Variants in LSAMP observed in about 807,000 individuals in gnomAD.
LSAMP encodes limbic system associated membrane protein.
In LSAMP, 7 loss-of-function variants were observed where a neutral mutation model predicts 38.6. The observed-to-expected ratio is 0.18, with a 90% CI of 0.10 to 0.34. LSAMP has a LOEUF of 0.34. Ranked by LOEUF, LSAMP falls within the 10% of genes least tolerant of loss-of-function variation. LSAMP has a pLI of 1.00. For missense variants in LSAMP, 313 were observed against 420.0 expected (o/e 0.75, Z 2.23); for synonymous variants, 154 against 166.8 (o/e 0.92, Z 0.59).
intron 1 of LSAMP, among the ~76,000 whole-genome samples, chr3:116,422,596 G>A (rs67644980): frequency 0.17 from 25,687 of 152,072 alleles, 2,281 homozygotes; most frequent in Middle Eastern, 0.28. Flanking sequence ...AGTACAAATG[G>A]GGACTGACTA....
At chr3:116,330,626 A>C (rs913941334) in intron 1 of LSAMP, among the ~76,000 whole-genome samples, 1 of 152,114 alleles carries the variant, frequency 6.6e-6, no homozygotes, top group East Asian at 1.9e-4. Context: ...ACATTCAAAA[A>C]TAATTGTATA....
intron 2 of LSAMP, among the ~76,000 whole-genome samples, chr3:116,043,187 T>C (rs1288664590): frequency 6.6e-6 from 1 of 152,206 alleles, no homozygotes; most frequent in Non-Finnish European, 1.5e-5. Flanking sequence ...TACCATTACT[T>C]TTTACTTTTT....
At chr3:116,101,849 T>A (rs1708355009) in intron 1 of LSAMP, among the ~76,000 whole-genome samples, 1 of 152,178 alleles carries the variant, frequency 6.6e-6, no homozygotes, top group African/African-American at 2.4e-5. Context: ...ATTTGTATTA[T>A]CTTTTGTTAG....
intron 2 of LSAMP, among the ~76,000 whole-genome samples, chr3:116,025,510 T>C (rs1017665733): frequency 3.3e-5 from 5 of 152,194 alleles, no homozygotes; most frequent in Non-Finnish European, 7.4e-5. Context: ...GCATAAATAA[T>C]GCTTTTCCAA....
intron 1 of LSAMP, among the ~76,000 whole-genome samples, chr3:116,437,652 G>A (rs917588608): frequency 2.6e-5 from 4 of 151,514 alleles, no homozygotes; most frequent in African/African-American, 9.7e-5. Context: ...GAATTGGAGG[G>A]AGGAGGAAGG....
chr3:116,114,093 G>A (rs1708689563), intron 1 of LSAMP, among the ~76,000 whole-genome samples: 1 of 152,100 alleles, frequency 6.6e-6, no homozygotes, highest in Admixed American at 6.5e-5. Context: ...TCCAGAAAAT[G>A]GCTAACCAAC....
At chr3:116,103,167 A>T (rs1378267821) in intron 1 of LSAMP, among the ~76,000 whole-genome samples, 1 of 152,130 alleles carries the variant, frequency 6.6e-6, no homozygotes, top group Non-Finnish European at 1.5e-5. Flanking sequence ...GAATATACTG[A>T]TATAATAGAC....
At chr3:116,224,637 T>G (rs942465360) in intron 1 of LSAMP, among the ~76,000 whole-genome samples, 1 of 152,242 alleles carries the variant, frequency 6.6e-6, no homozygotes, top group Admixed American at 6.5e-5. Context: ...TATAAACATG[T>G]AACTATGAAA....
intron 1 of LSAMP, among the ~76,000 whole-genome samples, chr3:116,225,739 TTTAG>T (rs1449946535): frequency 2.0e-5 from 3 of 147,238 alleles, no homozygotes; most frequent in Non-Finnish European, 4.5e-5. Flanking sequence ...TATTTGGGTA[TTTAG>T]TATATTATTG....
chr3:116,010,061 C>T lies in LSAMP; in HGVS notation c.514+9454G>A, dbSNP rs1182107334. ...CCTCCCAAGTAGCTGGGACTATGGG[C>T]ACACGCCACCACACCGAGCTAATTT... is the stretch of plus-strand genomic sequence containing the variant. On this transcript the variant is annotated intron_variant, in intron 3 of 6. Coordinates refer to ENST00000490035, the MANE Select transcript of LSAMP (RefSeq NM_002338.5). 3.9e-5 allele frequency among the ~76,000 whole-genome samples: 6 copies of T among 152,046 alleles called. No individual in the cohort carries two copies. The East Asian group carries it at 1.2e-3, about 29-fold the overall frequency.
intron 1 of LSAMP, among the ~76,000 whole-genome samples, chr3:116,117,315 A>C (rs9843187): frequency 0.029 from 4,392 of 151,296 alleles, 91 homozygotes; most frequent in Non-Finnish European, 0.046. Flanking sequence ...TTCCCCCCCT[A>C]TTCTTTCTTT....
intron 1 of LSAMP, among the ~76,000 whole-genome samples, chr3:116,335,450 C>G (rs1389541328): frequency 1.3e-5 from 2 of 152,024 alleles, no homozygotes; most frequent in African/African-American, 4.8e-5. Flanking sequence ...ACTCGCCCTT[C>G]CGGGTTTCAA....
At chr3:115,895,857 C>A (rs1936715693) in intron 3 of LSAMP, among the ~76,000 whole-genome samples, 1 of 152,018 alleles carries the variant, frequency 6.6e-6, no homozygotes, top group African/African-American at 2.4e-5. Flanking sequence ...ATTCTAACTT[C>A]TAGGGATGAA....
intron 2 of LSAMP, among the ~76,000 whole-genome samples, chr3:116,074,007 C>T (rs1181989738): frequency 6.6e-6 from 1 of 152,212 alleles, no homozygotes; most frequent in Non-Finnish European, 1.5e-5. Flanking sequence ...TCACCACCAA[C>T]AACGTGGCCC....
At chr3:115,931,344 A>G (rs1559885896) in intron 3 of LSAMP, among the ~76,000 whole-genome samples, 1 of 152,220 alleles carries the variant, frequency 6.6e-6, no homozygotes, top group South Asian at 2.1e-4. Flanking sequence ...CATGGAGGTC[A>G]TGACTAAGTT....
intron 1 of LSAMP, among the ~76,000 whole-genome samples, chr3:116,397,530 A>G (rs1465741249): frequency 6.6e-6 from 1 of 152,058 alleles, no homozygotes. Context: ...TCCCTACACT[A>G]CAATGCAAGC....
chr3:116,307,979 C>T (rs919768318), intron 1 of LSAMP, among the ~76,000 whole-genome samples: 11 of 151,900 alleles, frequency 7.2e-5, no homozygotes, highest in African/African-American at 2.7e-4. Flanking sequence ...TAATCTCTAT[C>T]TCATAGTGTT....
chr3:116,245,300 CA>C (rs2046590850), intron 1 of LSAMP, among the ~76,000 whole-genome samples: 2 of 152,146 alleles, frequency 1.3e-5, no homozygotes. Flanking sequence ...GGCTCCAGAA[CA>C]GTGAGATAAT....
chr3:116,313,409 G>A (rs1188095533), intron 1 of LSAMP, among the ~76,000 whole-genome samples: 1 of 152,182 alleles, frequency 6.6e-6, no homozygotes, highest in Non-Finnish European at 1.5e-5. Context: ...CCGTATGGAT[G>A]TGATGGCCCC....
Sources: allele counts gnomAD v4.1 joint callset (sites outside exome capture counted in the v4.1 genomes callset), GRCh38; gene constraint gnomAD v4.1.1; transcripts MANE v1.5; gene names NCBI Gene and HGNC (gene_info 2026-07-23, HGNC 2026-07-21).